Variants in ROR1 observed in about 807,000 individuals in gnomAD.
The protein encoded by ROR1 is ROR family WNT receptor 1, also known as inactive tyrosine-protein kinase transmembrane receptor ROR1.
ROR1 carries 19 observed loss-of-function variants against 78.8 expected under a neutral mutation model. That is an observed-to-expected ratio of 0.24 (90% CI 0.17 to 0.35). The LOEUF (loss-of-function observed/expected upper bound fraction) is 0.35. ROR1 is among the 10% of genes least tolerant of loss of function. The pLI, the probability that ROR1 is intolerant of heterozygous loss-of-function variation, is 1.00. For synonymous variants in ROR1, 386 were observed against 433.6 expected, an observed-to-expected ratio of 0.89 and a Z score of 1.36; for missense variants, 917 against 1,177.8, an observed-to-expected ratio of 0.78 and a Z score of 3.24.
intron 1 of ROR1, among the ~76,000 whole-genome samples, chr1:63,952,847 C>A (rs1645951725): frequency 6.6e-6 from 1 of 152,040 alleles, no homozygotes; most frequent in African/African-American, 2.4e-5. Flanking sequence ...AAGATTTTAC[C>A]TAGGTTGTGT....
intron 1 of ROR1, among the ~76,000 whole-genome samples, chr1:63,935,068 C>T (rs1391674974): frequency 6.7e-6 from 1 of 148,610 alleles, no homozygotes. Flanking sequence ...GATTGTAAAC[C>T]AAATGTTGAA....
At chr1:63,843,394 G>T in intron 1 of ROR1, 1 of 760,290 alleles carries the variant, frequency 1.3e-6, no homozygotes, top group Non-Finnish European at 2.4e-6. Context: ...ATAAACACCA[G>T]GTCCTCCTCC....
chr1:64,007,956 C>CTT lies in ROR1; in HGVS notation c.92-1334_92-1333dup, dbSNP rs74261212. 1.9e-3 allele frequency among the ~76,000 whole-genome samples: 259 copies of CTT among 137,722 alleles called. 1 individual carries two copies. Among genetic ancestry groups the CTT allele is most frequent in the African/African-American group, 7.2e-3 (246 of 34,304 alleles). The allele number at this position is 137,722 out of a possible 152,430, so 90.4% of individuals were successfully genotyped here. A position where few individuals can be genotyped will look rare whatever the true frequency, so the allele number is the denominator to read the frequency against. On this transcript the variant is annotated intron_variant, in intron 1 of 8. Transcript: ENST00000371079. ...GGGCGAGGTGTATTTTGCCCTTGTT[C>CTT]TTTTTTTTTTTTTTTTGCAATTTCC...
At chr1:64,157,683 C>G (rs898837065) in intron 7 of ROR1, among the ~76,000 whole-genome samples, 1 of 152,144 alleles carries the variant, frequency 6.6e-6, no homozygotes, top group Non-Finnish European at 1.5e-5. Flanking sequence ...CCTTTTGGGT[C>G]TTTTCATCAC....
chr1:63,802,717 A>G (rs1031259920), intron 1 of ROR1, among the ~76,000 whole-genome samples: 4 of 152,214 alleles, frequency 2.6e-5, no homozygotes, highest in Non-Finnish European at 4.4e-5. Context: ...TGTTACCATC[A>G]TAGGGCATAT....
intron 1 of ROR1, among the ~76,000 whole-genome samples, chr1:64,001,617 C>T (rs1385432673): frequency 2.0e-5 from 3 of 152,162 alleles, no homozygotes; most frequent in African/African-American, 4.8e-5. Flanking sequence ...AGACGTTTCC[C>T]TCAACCCCAC....
chr1:64,100,911 C>A lies in ROR1; in HGVS notation c.483-36458C>A, dbSNP rs77596613. 1.6e-3 allele frequency among the ~76,000 whole-genome samples: 243 copies of A among 152,338 alleles called. 1 individual carries two copies. The highest frequency in any genetic ancestry group is 5.4e-3 in the African/African-American group (226 of 41,586). ...TAGATCGTTCATAAGATTGCTGCATCTCAGGAGACGGGTCTTTTCAGGAGC... is the reference window on the plus strand; with the variant it reads ...TAGATCGTTCATAAGATTGCTGCATATCAGGAGACGGGTCTTTTCAGGAGC... On this transcript the variant is annotated intron_variant, in intron 4 of 8. Coordinates refer to ENST00000371079, the MANE Select transcript of ROR1 (RefSeq NM_005012.4).
In ROR1 at chr1:64,179,024, GAAAAAAAAAA is replaced by G. The variant is rs10709706; in HGVS notation, c.*182_*191del. On this transcript the variant is annotated 3_prime_UTR_variant, in exon 9 of 9. Coordinates refer to ENST00000371079, the MANE Select transcript of ROR1 (RefSeq NM_005012.4). ...ACCAAGCAGGACAGACACTCGGCCA[GAAAAAAAAAA>G]AAAAAAAAAAAACAAGCAAACAAAA... is the stretch of plus-strand genomic sequence containing the variant. The G allele has an allele frequency of 1.1e-4, 18 of 157,844 alleles. No homozygotes were observed. The highest frequency in any genetic ancestry group is 1.9e-4 in the Non-Finnish European group (17 of 88,528). The allele number at this position is 157,844 out of a possible 1,614,324, so 9.8% of individuals were successfully genotyped here. A position where few individuals can be genotyped will look rare whatever the true frequency, so the allele number is the denominator to read the frequency against.
At chr1:63,843,924 T>C (rs1645064481) in intron 1 of ROR1, among the ~76,000 whole-genome samples, 1 of 152,148 alleles carries the variant, frequency 6.6e-6, no homozygotes, top group Non-Finnish European at 1.5e-5. Context: ...AATCTGACTC[T>C]TCCCTGCTTA....
chr1:64,067,710 C>CTTTTT (rs986756579), intron 4 of ROR1, among the ~76,000 whole-genome samples: 13 of 105,698 alleles, frequency 1.2e-4, no homozygotes, highest in Admixed American at 2.0e-4. Context: ...TAAATAAATT[C>CTTTTT]TTTTTTTTTT....
chr1:64,099,158 T>TA (rs1272453031), intron 4 of ROR1, among the ~76,000 whole-genome samples: 10 of 152,110 alleles, frequency 6.6e-5, no homozygotes, highest in African/African-American at 1.9e-4. Flanking sequence ...CATGGAGCCA[T>TA]ATCCTGCTCA....
intron 4 of ROR1, among the ~76,000 whole-genome samples, chr1:64,107,358 G>A (rs1472443559): frequency 6.6e-6 from 1 of 152,160 alleles, no homozygotes; most frequent in East Asian, 1.9e-4. Context: ...AAAGCTCTCT[G>A]TCAAGTGCTA....
At chr1:64,110,354 A>T (rs1648039577) in intron 4 of ROR1, among the ~76,000 whole-genome samples, 1 of 152,174 alleles carries the variant, frequency 6.6e-6, no homozygotes, top group South Asian at 2.1e-4. Context: ...CCATTTGATG[A>T]TGAGGAATCT....
intron 2 of ROR1, among the ~76,000 whole-genome samples, chr1:64,030,088 C>T (rs1011933463): frequency 3.3e-5 from 5 of 152,144 alleles, no homozygotes; most frequent in African/African-American, 1.2e-4. Flanking sequence ...TATACTTAAG[C>T]TCCTTGAAGT....
intron 1 of ROR1, among the ~76,000 whole-genome samples, chr1:63,928,746 A>C (rs537262843): frequency 9.2e-5 from 14 of 152,262 alleles, no homozygotes; most frequent in African/African-American, 2.9e-4. Context: ...AATGGCATCT[A>C]CCTACTAGAA....
intron 1 of ROR1, among the ~76,000 whole-genome samples, chr1:63,907,691 G>A (rs932737861): frequency 2.6e-5 from 4 of 152,136 alleles, no homozygotes; most frequent in African/African-American, 9.7e-5. Context: ...GTGCAAGGTT[G>A]CCAAAGTTCA....
At chr1:64,115,032 ATGGCTCAC>A (rs1248356448) in intron 4 of ROR1, among the ~76,000 whole-genome samples, 1 of 152,132 alleles carries the variant, frequency 6.6e-6, no homozygotes, top group Non-Finnish European at 1.5e-5. Context: ...TGGTGCGATC[ATGGCTCAC>A]TGCAGCGTCT....
chr1:63,791,536 C>A lies in ROR1; in HGVS notation c.91+17028C>A, dbSNP rs564402636. On this transcript the variant is annotated intron_variant, in intron 1 of 8. Transcript: ENST00000371079. Reference sequence around the variant, plus strand: ...ACTTCCCAGGCCCCTTTCTGTAAGCCAGTTCCCACCATCCCCTTGAACCTC... The same window carrying A: ...ACTTCCCAGGCCCCTTTCTGTAAGCAAGTTCCCACCATCCCCTTGAACCTC... 8.5e-5 allele frequency among the ~76,000 whole-genome samples: 13 copies of A among 152,222 alleles called. No homozygotes were observed. In the East Asian group the frequency reaches 2.5e-3, roughly 29 times the overall value.
chr1:64,042,739 T>C (rs1430172072), intron 2 of ROR1, among the ~76,000 whole-genome samples: 2 of 152,214 alleles, frequency 1.3e-5, no homozygotes, highest in Non-Finnish European at 2.9e-5. Flanking sequence ...CTCAAGAATG[T>C]GCAAGCTGAT....
Sources: allele counts gnomAD v4.1 joint callset (sites outside exome capture counted in the v4.1 genomes callset), GRCh38; gene constraint gnomAD v4.1.1; transcripts MANE v1.5; gene names NCBI Gene and HGNC (gene_info 2026-07-23, HGNC 2026-07-21).